The following GGA2 variants were observed in gnomAD, a reference collection of about 807,000 sequenced individuals.
GGA2 encodes golgi associated, gamma adaptin ear containing, ARF binding protein 2.
Under a neutral mutation model 79.5 loss-of-function variants are expected in GGA2, and 48 were observed. The observed-to-expected ratio is 0.60, with a 90% CI of 0.48 to 0.77. GGA2 has a LOEUF of 0.77. Among genes scored for constraint, GGA2 ranks in the 30% least tolerant of loss-of-function variants. The pLI is 0.00. For synonymous variants in GGA2, 317 were observed against 302.0 expected (o/e 1.05, Z -0.51); for missense variants, 770 against 774.0 (o/e 0.99, Z 0.06).
At chr16:23,474,171 C>G (rs572782999) in intron 14 of GGA2, among the ~76,000 whole-genome samples, 13 of 152,208 alleles carry the variant, frequency 8.5e-5, no homozygotes, top group South Asian at 4.1e-4. Flanking sequence ...CAAATTCATC[C>G]ACTCGTTTGA....
At position 23,486,112 on chromosome 16, in the gene GGA2, G is replaced by A. The variant is rs771058001; in HGVS notation, c.701C>T (p.Ala234Val). ...CACATGGCTTCGCACTTCCTCCACC[G>A]CACTGACCCTCTTGGACACCTTCTC... ...KSEKVSKRVSAVEEVRSHVKV... is the reference protein window; with the variant it reads ...KSEKVSKRVSVVEEVRSHVKV... Residue 234 changes from alanine (A) to valine (V), a missense_variant, in exon 8 of 17, where the codon GCG becomes GTG. Transcript: ENST00000309859. The A allele has an allele frequency of 8.1e-6, 13 of 1,612,826 alleles. No individual in the cohort carries two copies. In the East Asian group the frequency reaches 8.9e-5, roughly 11 times the overall value.
At chr16:23,473,017 C>T (rs1225450029) in intron 14 of GGA2, among the ~76,000 whole-genome samples, 3 of 116,032 alleles carry the variant, frequency 2.6e-5, no homozygotes, top group Non-Finnish European at 5.1e-5. Context: ...TGGGTGACAG[C>T]GAGACTCTGT....
chr16:23,493,827 G>T, intron 3 of GGA2: 1 of 298,882 alleles, frequency 3.3e-6, no homozygotes. Context: ...TCACCCACTG[G>T]CACTCAAGAG....
chr16:23,516,276 T>C (rs977943504), intron 2 of GGA2, among the ~76,000 whole-genome samples: 2 of 152,130 alleles, frequency 1.3e-5, no homozygotes, highest in African/African-American at 2.4e-5. Flanking sequence ...CTTCCCAAAG[T>C]GCTGGGATTA....
At chr16:23,484,811 C>T (rs1205384367) in intron 8 of GGA2, among the ~76,000 whole-genome samples, 1 of 152,180 alleles carries the variant, frequency 6.6e-6, no homozygotes, top group Non-Finnish European at 1.5e-5. Flanking sequence ...GGCAGTTCCT[C>T]AAAATGTTAA....
rs563264269 is a variant in GGA2, at chr16:23,487,621, A to C, written c.580-831T>G. The stretch of plus-strand genomic sequence containing the variant: ...AATCTTTGTGGGACGGATGGCAGGA[A>C]AAGTGGGGATAATGAGGGCTGGTGA... On this transcript the variant is annotated intron_variant, in intron 6 of 16. Transcript: ENST00000309859. Among the ~76,000 whole-genome samples, 14 of 152,176 alleles carry C rather than the reference A, an allele frequency of 9.2e-5. 1 individual carries two copies. Among genetic ancestry groups the C allele is most frequent in the African/African-American group, 3.1e-4 (13 of 41,526 alleles).
At chr16:23,511,757 TAC>T (rs1255327162), upstream of GGA2, among the ~76,000 whole-genome samples, 1 of 152,244 alleles carries the variant, frequency 6.6e-6, no homozygotes, top group Non-Finnish European at 1.5e-5. Context: ...ATGAAATGAA[TAC>T]GTGTTAAATA....
intron 7 of GGA2, among the ~76,000 whole-genome samples, chr16:23,486,372 C>T (rs1964713045): frequency 6.6e-6 from 1 of 152,194 alleles, no homozygotes; most frequent in Non-Finnish European, 1.5e-5. Flanking sequence ...ATGACCTCTG[C>T]CTTTGTGCCA....
At chr16:23,512,746 C>T (rs1436939605), upstream of GGA2, among the ~76,000 whole-genome samples, 1 of 138,418 alleles carries the variant, frequency 7.2e-6, no homozygotes, top group Non-Finnish European at 1.5e-5. Flanking sequence ...GCTCTGTTGC[C>T]CAGGCTGGAG....
At position 23,464,808 on chromosome 16, in the gene GGA2, A is replaced by G. The variant is rs1419881275; in HGVS notation, c.*2782T>C. 6.3e-6 allele frequency: 1 copy of G among 157,538 alleles called. No homozygotes were observed. Among genetic ancestry groups the G allele is most frequent in the African/African-American group, 2.4e-5 (1 of 41,524 alleles). 9.8% of individuals were successfully genotyped at this position (157,538 alleles called of 1,614,324 possible). ...AACCTCCAGATACAGATAACCCCTGACAGACTGAAATACGATCTGGCGACA... is the reference window on the plus strand; with the variant it reads ...AACCTCCAGATACAGATAACCCCTGGCAGACTGAAATACGATCTGGCGACA... On this transcript the variant is annotated 3_prime_UTR_variant, in exon 17 of 17. Coordinates refer to ENST00000309859, the MANE Select transcript of GGA2 (RefSeq NM_015044.4).
At chr16:23,488,162 C>T (rs1964738905) in intron 6 of GGA2, among the ~76,000 whole-genome samples, 1 of 152,132 alleles carries the variant, frequency 6.6e-6, no homozygotes, top group Non-Finnish European at 1.5e-5. Flanking sequence ...TCCACTGTCC[C>T]CACCCCAACA....
At chr16:23,511,760 G>A (rs535929584), upstream of GGA2, among the ~76,000 whole-genome samples, 12 of 152,172 alleles carry the variant, frequency 7.9e-5, no homozygotes, top group African/African-American at 2.7e-4. Flanking sequence ...AAATGAATAC[G>A]TGTTAAATAT....
At chr16:23,479,058 C>T in intron 11 of GGA2, 147 bp from the exon 12 acceptor site, 1 of 666,436 alleles carries the variant, frequency 1.5e-6, no homozygotes, top group Non-Finnish European at 2.8e-6. Context: ...CGTCCATGGC[C>T]AATCTGTGAC....
chr16:23,494,202 C>T, intron 3 of GGA2, 101 bp downstream of exon 3: 1 of 817,578 alleles, frequency 1.2e-6, no homozygotes. Context: ...CAGGGGACCT[C>T]CCTTCTCCAG....
intron 2 of GGA2, chr16:23,495,466 T>G: frequency 2.9e-6 from 1 of 343,412 alleles, no homozygotes; most frequent in East Asian, 4.3e-5. Context: ...CCTGACTGCA[T>G]TTCTATTTTT....
intron 1 of GGA2, among the ~76,000 whole-genome samples, chr16:23,497,702 G>A (rs1012028157): frequency 3.9e-5 from 6 of 151,930 alleles, no homozygotes; most frequent in African/African-American, 4.8e-5. Context: ...TTTATCTCCC[G>A]TCCCCATAAA....
At chr16:23,479,180 G>T in intron 11 of GGA2, 1 of 525,916 alleles carries the variant, frequency 1.9e-6, no homozygotes, top group South Asian at 2.1e-5. Context: ...CACCCTGATT[G>T]CCTCAGCAGC....
intron 16 of GGA2, 109 bp from the exon 17 acceptor site, chr16:23,467,809 G>T: frequency 1.4e-6 from 1 of 697,218 alleles, no homozygotes; most frequent in South Asian, 1.5e-5. Flanking sequence ...AAAATACCTG[G>T]GATACTCTCT....
chr16:23,479,864 T>A lies in GGA2; in HGVS notation c.1030A>T (p.Met344Leu). ...AAGTCAATCAGGGGGCAGGTCTTCATGCAGCCTGCTGGATTCTGAAAGACT... is the reference window on the plus strand; with the variant it reads ...AAGTCAATCAGGGGGCAGGTCTTCAAGCAGCCTGCTGGATTCTGAAAGACT... ...SRVFQNPAGCMKTCPLIDLEV... is the reference protein window; with the variant it reads ...SRVFQNPAGCLKTCPLIDLEV... The change falls in exon 11 of 17, where the codon ATG (methionine) becomes TTG (leucine). Residue 344 changes from methionine to leucine, a missense_variant. Physicochemically the swap from Met to Leu is conservative, Grantham distance 15 (BLOSUM62 2). Coordinates refer to ENST00000309859, the MANE Select transcript of GGA2 (RefSeq NM_015044.4). 6.2e-7 allele frequency: 1 copy of A among 1,614,130 alleles called. No homozygotes were observed. The highest frequency in any genetic ancestry group is 1.3e-5 in the African/African-American group (1 of 75,062).
Sources: gnomAD v4.1 joint callset for allele counts (sites outside exome capture counted in the v4.1 genomes callset) on GRCh38, gnomAD v4.1.1 for gene constraint, MANE v1.5 for transcripts, NCBI Gene and HGNC (gene_info 2026-07-23, HGNC 2026-07-21) for gene names.